Variants in STEAP1B observed in about 807,000 individuals in gnomAD.
STEAP1B encodes STEAP family member 1B.
In STEAP1B, 13 loss-of-function variants were observed where a neutral mutation model predicts 27.9. The ratio of observed to expected loss-of-function variants is 0.47; its 90% CI spans 0.30 to 0.74. The LOEUF (loss-of-function observed/expected upper bound fraction) is 0.74. Ranked by LOEUF, STEAP1B falls within the 30% of genes least tolerant of loss-of-function variation. The pLI, the probability that STEAP1B is intolerant of heterozygous loss-of-function variation, is 0.06. For synonymous variants in STEAP1B, 86 were observed against 107.1 expected, an observed-to-expected ratio of 0.80 and a Z score of 1.22; for missense variants, 250 against 298.7, an observed-to-expected ratio of 0.84 and a Z score of 1.20.
At chr7:22,483,641 ATGG>A (rs1786125282) in intron 4 of STEAP1B, among the ~76,000 whole-genome samples, 1 of 152,100 alleles carries the variant, frequency 6.6e-6, no homozygotes, top group Non-Finnish European at 1.5e-5. Context: ...TGTATCTGTG[ATGG>A]TGATCTGTCA....
chr7:22,477,696 T>C lies in STEAP1B; in HGVS notation c.762+14869A>G, dbSNP rs147971789. 5.5e-3 allele frequency among the ~76,000 whole-genome samples: 844 copies of C among 152,332 alleles called. 3 individuals carry two copies. The highest frequency in any genetic ancestry group is 6.9e-3 in the Non-Finnish European group (468 of 68,024). On this transcript the variant is annotated intron_variant, in intron 4 of 4. Transcript: ENST00000678116. ...TTGACAACCTCATATGTGTGCAAAA[T>C]TTTGTCTACATAGTTTGCAGGACAT...
chr7:22,479,697 T>C (rs1362795018), intron 4 of STEAP1B, among the ~76,000 whole-genome samples: 1 of 149,008 alleles, frequency 6.7e-6, no homozygotes, highest in Non-Finnish European at 1.5e-5. Context: ...TTTTTTTTTT[T>C]TTTCTGAGAT....
At chr7:22,438,748 A>G in intron 4 of STEAP1B, 3 of 1,548,026 alleles carry the variant, frequency 1.9e-6, no homozygotes, top group Non-Finnish European at 2.6e-6. Context: ...GCTTCCAGTC[A>G]GTATAGCCTA....
chr7:22,448,164 T>C (rs1462945006), intron 4 of STEAP1B, among the ~76,000 whole-genome samples: 1 of 152,194 alleles, frequency 6.6e-6, no homozygotes, highest in Non-Finnish European at 1.5e-5. Flanking sequence ...CTCTTGAACC[T>C]TTTTCAGATG....
intron 3 of STEAP1B, among the ~76,000 whole-genome samples, chr7:22,493,010 C>G (rs1348991285): frequency 6.6e-6 from 1 of 152,028 alleles, no homozygotes; most frequent in African/African-American, 2.4e-5. Context: ...ATGTGGTAAA[C>G]AAGGAGAAGA....
chr7:22,425,886 C>A (rs1179074468), intron 4 of STEAP1B, among the ~76,000 whole-genome samples: 1 of 152,254 alleles, frequency 6.6e-6, no homozygotes. Context: ...CCCAGAACTA[C>A]TTCCCATTAC....
chr7:22,419,668 A>G lies in STEAP1B; in HGVS notation c.*136T>C. The G allele has an allele frequency of 2.0e-6, 2 of 985,130 alleles. No individual in the cohort carries two copies. 61.0% of individuals were successfully genotyped at this position (985,130 alleles called of 1,614,324 possible). A position where few individuals can be genotyped will look rare whatever the true frequency, so the allele number is the denominator to read the frequency against. On this transcript the variant is annotated 3_prime_UTR_variant, in exon 5 of 5. Transcript: ENST00000678116. ...TCTGCCCTGCCGGATCCATGTTGAC[A>G]GAGCAGCCGTCACCTGCAGCATGGC...
chr7:22,454,862 T>TAA (rs1785551536), intron 4 of STEAP1B, among the ~76,000 whole-genome samples: 1 of 57,654 alleles, frequency 1.7e-5, no homozygotes, highest in East Asian at 1.2e-3. Flanking sequence ...TATATATATA[T>TAA]ATATTTTTTT....
chr7:22,452,794 C>G (rs925611521), intron 4 of STEAP1B, among the ~76,000 whole-genome samples: 3 of 152,126 alleles, frequency 2.0e-5, no homozygotes, highest in Admixed American at 6.5e-5. Flanking sequence ...CTTTTCTATG[C>G]AAGCACAGGG....
At chr7:22,443,839 T>C (rs1243375002) in intron 4 of STEAP1B, among the ~76,000 whole-genome samples, 1 of 152,212 alleles carries the variant, frequency 6.6e-6, no homozygotes, top group African/African-American at 2.4e-5. Flanking sequence ...CCACCAGGAC[T>C]TTGACCTACA....
At chr7:22,461,259 G>A (rs1037468975) in intron 4 of STEAP1B, among the ~76,000 whole-genome samples, 7 of 152,068 alleles carry the variant, frequency 4.6e-5, no homozygotes, top group Non-Finnish European at 7.4e-5. Flanking sequence ...GTCACTGAGG[G>A]AACTTTTTCT....
At chr7:22,456,634 A>G (rs1240382522) in intron 4 of STEAP1B, among the ~76,000 whole-genome samples, 1 of 152,204 alleles carries the variant, frequency 6.6e-6, no homozygotes, top group Admixed American at 6.5e-5. Context: ...TTGATGATAG[A>G]TAAGGGGAAA....
At chr7:22,457,959 C>G (rs1785615343) in intron 4 of STEAP1B, among the ~76,000 whole-genome samples, 1 of 152,200 alleles carries the variant, frequency 6.6e-6, no homozygotes, top group African/African-American at 2.4e-5. Context: ...AACCAGCTCT[C>G]CCACCATTTC....
At chr7:22,428,245 A>AG (rs1317769122) in intron 4 of STEAP1B, among the ~76,000 whole-genome samples, 1 of 152,194 alleles carries the variant, frequency 6.6e-6, no homozygotes, top group Non-Finnish European at 1.5e-5. Flanking sequence ...GTGTCTAGGG[A>AG]GCACAACCCA....
intron 4 of STEAP1B, among the ~76,000 whole-genome samples, chr7:22,461,465 G>A (rs1014477188): frequency 1.3e-5 from 2 of 152,066 alleles, no homozygotes; most frequent in Non-Finnish European, 2.9e-5. Context: ...GTTTCACCAT[G>A]TTGGCCAGGC....
chr7:22,443,793 TAA>T (rs199554508), intron 4 of STEAP1B, among the ~76,000 whole-genome samples: 1,968 of 152,272 alleles, frequency 0.013, 16 homozygotes, highest in Non-Finnish European at 0.02. Context: ...CCCCATCACC[TAA>T]GAGCCAGGCA....
intron 4 of STEAP1B, among the ~76,000 whole-genome samples, chr7:22,479,924 C>G (rs908769775): frequency 6.6e-6 from 1 of 151,964 alleles, no homozygotes; most frequent in African/African-American, 2.4e-5. Context: ...GGCCTCAGCT[C>G]TTTATATTAT....
At chr7:22,474,763 A>G (rs1299311800) in intron 4 of STEAP1B, among the ~76,000 whole-genome samples, 1 of 152,176 alleles carries the variant, frequency 6.6e-6, no homozygotes, top group Non-Finnish European at 1.5e-5. Flanking sequence ...GTAGCATCTG[A>G]GCATCCCTCA....
At chr7:22,458,834 G>T (rs1785631846) in intron 4 of STEAP1B, among the ~76,000 whole-genome samples, 1 of 152,080 alleles carries the variant, frequency 6.6e-6, no homozygotes, top group South Asian at 2.1e-4. Flanking sequence ...TCCTGGAGGG[G>T]ATGGGTGGAC....
Sources: allele counts gnomAD v4.1 joint callset (sites outside exome capture counted in the v4.1 genomes callset), GRCh38; gene constraint gnomAD v4.1.1; transcripts MANE v1.5; gene names NCBI Gene and HGNC (gene_info 2026-07-23, HGNC 2026-07-21).